LRRC4C: variants seen among roughly 807,000 people sequenced by gnomAD.
The protein encoded by LRRC4C is leucine rich repeat containing 4C, also known as leucine-rich repeat-containing protein 4C.
In LRRC4C, 5 loss-of-function variants were observed where a neutral mutation model predicts 33.6. The ratio of observed to expected loss-of-function variants is 0.15; its 90% CI spans 0.08 to 0.31. LRRC4C has a LOEUF of 0.31. LRRC4C is among the 10% of genes least tolerant of loss of function. The probability of loss-of-function intolerance (pLI) is 1.00; values close to 1 mark genes in which losing one functional copy is unlikely to be tolerated. For synonymous variants in LRRC4C, 329 were observed against 302.0 expected (o/e 1.09, Z -0.93); for missense variants, 560 against 796.7 (o/e 0.70, Z 3.58).
intron 1 of LRRC4C, among the ~76,000 whole-genome samples, chr11:40,968,969 A>C (rs1020773145): frequency 6.6e-6 from 1 of 152,172 alleles, no homozygotes; most frequent in African/African-American, 2.4e-5. Flanking sequence ...TAGCTGCCAC[A>C]GGTAGTGATT....
At chr11:41,111,041 A>T (rs1941800370) in intron 1 of LRRC4C, among the ~76,000 whole-genome samples, 1 of 152,058 alleles carries the variant, frequency 6.6e-6, no homozygotes, top group Non-Finnish European at 1.5e-5. Flanking sequence ...ACTTTGGAGA[A>T]GCACTGTGCT....
intron 6 of LRRC4C, among the ~76,000 whole-genome samples, chr11:40,133,255 A>G (rs1366265677): frequency 6.6e-6 from 1 of 152,186 alleles, no homozygotes; most frequent in East Asian, 1.9e-4. Flanking sequence ...TATACCCAGA[A>G]GGTGTATGGA....
At chr11:40,420,656 T>C (rs1415995797) in intron 3 of LRRC4C, among the ~76,000 whole-genome samples, 1 of 152,220 alleles carries the variant, frequency 6.6e-6, no homozygotes. Context: ...ACTAATTCAA[T>C]GCTTACTAAA....
intron 4 of LRRC4C, among the ~76,000 whole-genome samples, chr11:40,252,407 C>T (rs887722795): frequency 6.6e-6 from 1 of 151,884 alleles, no homozygotes; most frequent in African/African-American, 2.4e-5. Flanking sequence ...GAGTACCCCA[C>T]GAAACAGAGA....
chr11:41,000,066 C>T (rs1249591490), intron 1 of LRRC4C, among the ~76,000 whole-genome samples: 1 of 151,936 alleles, frequency 6.6e-6, no homozygotes, highest in South Asian at 2.1e-4. Flanking sequence ...ACCTTGCATG[C>T]TAAAGAAAAA....
intron 3 of LRRC4C, among the ~76,000 whole-genome samples, chr11:40,545,603 C>G (rs559952088): frequency 6.6e-6 from 1 of 151,906 alleles, no homozygotes; most frequent in South Asian, 2.1e-4. Context: ...GCAGGAAGAC[C>G]CCTCTATTGC....
At chr11:40,307,085 T>C (rs1945078294) in intron 4 of LRRC4C, among the ~76,000 whole-genome samples, 1 of 151,944 alleles carries the variant, frequency 6.6e-6, no homozygotes, top group Non-Finnish European at 1.5e-5. Context: ...CCCTAGGTCC[T>C]GTAGGATGTT....
intron 3 of LRRC4C, among the ~76,000 whole-genome samples, chr11:40,504,215 A>C (rs1954920701): frequency 6.6e-6 from 1 of 152,160 alleles, no homozygotes; most frequent in Non-Finnish European, 1.5e-5. Flanking sequence ...ATTTAAGTGA[A>C]CAATTAATGG....
chr11:41,040,446 G>A (rs1254773496), intron 1 of LRRC4C, among the ~76,000 whole-genome samples: 3 of 152,120 alleles, frequency 2.0e-5, no homozygotes, highest in African/African-American at 7.2e-5. Flanking sequence ...AACATTGACC[G>A]AGATTTTACA....
In LRRC4C at chr11:41,276,384, C is replaced by T. The variant is rs141733300; in HGVS notation, c.-496+183047G>A. 2.4e-3 allele frequency among the ~76,000 whole-genome samples: 359 copies of T among 151,846 alleles called. 1 individual carries two copies. Among genetic ancestry groups the T allele is most frequent in the African/African-American group, 8.2e-3 (338 of 41,142 alleles). On this transcript the variant is annotated intron_variant, in intron 1 of 6. Transcript: ENST00000528697. ...TTTTACCAGAAGTTGCTAGCATAAG[C>T]CCTTGTCTCAAACACTACTTCTTAT...
chr11:41,385,172 C>G (rs961346750), intron 1 of LRRC4C, among the ~76,000 whole-genome samples: 1 of 151,046 alleles, frequency 6.6e-6, no homozygotes, highest in African/African-American at 2.4e-5. Flanking sequence ...TTGGGAGATT[C>G]TCTCGACCCT....
intron 1 of LRRC4C, among the ~76,000 whole-genome samples, chr11:41,268,752 AT>A (rs1372944455): frequency 6.6e-6 from 1 of 152,106 alleles, no homozygotes; most frequent in Non-Finnish European, 1.5e-5. Flanking sequence ...AATAGATGAT[AT>A]GAAAATCCCA....
At chr11:41,138,595 A>G (rs958797832) in intron 1 of LRRC4C, among the ~76,000 whole-genome samples, 2 of 152,248 alleles carry the variant, frequency 1.3e-5, no homozygotes, top group African/African-American at 4.8e-5. Flanking sequence ...GTCCTGGTAA[A>G]CAAAATATTT....
chr11:41,089,774 C>A (rs997086008), intron 1 of LRRC4C, among the ~76,000 whole-genome samples: 1 of 151,852 alleles, frequency 6.6e-6, no homozygotes, highest in African/African-American at 2.4e-5. Flanking sequence ...TATCCACAAC[C>A]TGAATTTATT....
chr11:41,120,291 C>T (rs920224716), intron 1 of LRRC4C, among the ~76,000 whole-genome samples: 7 of 152,162 alleles, frequency 4.6e-5, no homozygotes, highest in African/African-American at 1.7e-4. Context: ...AACCATCTGT[C>T]CATCCAACAA....
chr11:40,447,354 C>T (rs2138036198), intron 3 of LRRC4C, among the ~76,000 whole-genome samples: 1 of 152,248 alleles, frequency 6.6e-6, no homozygotes, highest in African/African-American at 2.4e-5. Flanking sequence ...CAACCCCAGA[C>T]CAGCAGAGAA....
chr11:40,337,251 A>G (rs1196111951), intron 3 of LRRC4C, among the ~76,000 whole-genome samples: 1 of 152,232 alleles, frequency 6.6e-6, no homozygotes, highest in Non-Finnish European at 1.5e-5. Context: ...AGAGAGAATC[A>G]GAGGACAGAC....
At chr11:40,767,943 C>T (rs543658560) in intron 2 of LRRC4C, among the ~76,000 whole-genome samples, 1 of 151,604 alleles carries the variant, frequency 6.6e-6, no homozygotes, top group Admixed American at 6.6e-5. Flanking sequence ...AAACCCAAAC[C>T]ATTTCTTCTT....
At chr11:40,889,832 T>G (rs1955622637) in intron 2 of LRRC4C, among the ~76,000 whole-genome samples, 1 of 152,142 alleles carries the variant, frequency 6.6e-6, no homozygotes, top group Admixed American at 6.6e-5. Context: ...AAAATAGGCA[T>G]AATAATAAGA....
Sources: gnomAD v4.1 joint callset for allele counts (sites outside exome capture counted in the v4.1 genomes callset) on GRCh38, gnomAD v4.1.1 for gene constraint, MANE v1.5 for transcripts, NCBI Gene and HGNC (gene_info 2026-07-23, HGNC 2026-07-21) for gene names.